CNTNAP2: variants seen among roughly 807,000 people sequenced by gnomAD.
CNTNAP2 encodes the protein contactin-associated protein-like 2.
In CNTNAP2, 98 loss-of-function variants were observed where a neutral mutation model predicts 155.2. The ratio of observed to expected loss-of-function variants is 0.63; its 90% CI spans 0.54 to 0.75. The LOEUF (loss-of-function observed/expected upper bound fraction) is 0.75, where lower values mean the gene tolerates loss of function less well. Ranked by LOEUF, CNTNAP2 falls within the 30% of genes least tolerant of loss-of-function variation. The pLI is 0.00. For synonymous variants in CNTNAP2, 651 were observed against 631.2 expected (o/e 1.03, Z -0.47); for missense variants, 1,727 against 1,688.1 (o/e 1.02, Z -0.40).
At chr7:146,768,214 T>C (rs1045574750) in intron 1 of CNTNAP2, among the ~76,000 whole-genome samples, 4 of 151,808 alleles carry the variant, frequency 2.6e-5, no homozygotes, top group African/African-American at 7.2e-5. Flanking sequence ...CTGCTTCCCA[T>C]CCTGCCTTGT....
chr7:147,375,822 A>G (rs2116922324), intron 9 of CNTNAP2, among the ~76,000 whole-genome samples: 1 of 152,180 alleles, frequency 6.6e-6, no homozygotes, highest in East Asian at 1.9e-4. Context: ...TACTTTTTAA[A>G]AATCAGTTCA....
intron 3 of CNTNAP2, among the ~76,000 whole-genome samples, chr7:146,993,527 G>A (rs570255443): frequency 6.9e-4 from 105 of 152,152 alleles, no homozygotes; most frequent in Non-Finnish European, 1.2e-3. Context: ...CCTGGCGCTG[G>A]CTGTGACCAG....
chr7:147,583,468 T>C (rs992123450), intron 12 of CNTNAP2, among the ~76,000 whole-genome samples: 1 of 145,308 alleles, frequency 6.9e-6, no homozygotes, highest in Non-Finnish European at 1.5e-5. Flanking sequence ...AATACCATTC[T>C]GCTCATTTCT....
At chr7:146,690,886 T>TA (rs1370689239) in intron 1 of CNTNAP2, among the ~76,000 whole-genome samples, 2 of 152,112 alleles carry the variant, frequency 1.3e-5, no homozygotes, top group Non-Finnish European at 2.9e-5. Context: ...TCCTCTGGGC[T>TA]AAAAATATAT....
At chr7:148,170,890 G>C (rs991517371) in intron 17 of CNTNAP2, among the ~76,000 whole-genome samples, 12 of 152,112 alleles carry the variant, frequency 7.9e-5, no homozygotes, top group Admixed American at 5.2e-4. Flanking sequence ...CTGAATTCCA[G>C]TAACCCTACT....
chr7:146,965,604 T>G (rs932199356), intron 3 of CNTNAP2, among the ~76,000 whole-genome samples: 2 of 151,976 alleles, frequency 1.3e-5, no homozygotes, highest in Non-Finnish European at 2.9e-5. Context: ...TGGTTTTGAA[T>G]GCAAAGATGT....
intron 19 of CNTNAP2, among the ~76,000 whole-genome samples, chr7:148,227,934 T>TGA (rs1554405400): frequency 2.9e-5 from 4 of 136,792 alleles, no homozygotes; most frequent in Non-Finnish European, 4.7e-5. Context: ...TGTGTGTGTG[T>TGA]GAAAGTCTGG....
At chr7:148,352,204 C>T (rs1798439936) in intron 21 of CNTNAP2, among the ~76,000 whole-genome samples, 1 of 152,094 alleles carries the variant, frequency 6.6e-6, no homozygotes, top group African/African-American at 2.4e-5. Flanking sequence ...TATGTTTTTA[C>T]AAGAACACTC....
intron 10 of CNTNAP2, among the ~76,000 whole-genome samples, chr7:147,439,756 G>T (rs1797607377): frequency 6.6e-6 from 1 of 151,880 alleles, no homozygotes; most frequent in Admixed American, 6.6e-5. Flanking sequence ...ATATATCTGG[G>T]TGCTCCAATG....
At position 147,652,548 on chromosome 7, in the gene CNTNAP2, G is replaced by T. The variant is rs1563039675; in HGVS notation, c.2098+13242G>T. On this transcript the variant is annotated intron_variant, in intron 13 of 23. Transcript: ENST00000361727. Reference sequence around the variant, plus strand: ...ATTCCGCCCCAAATCTCTGTGAGTTGTATATCGGAATTTCTATTTTATATC... The same window carrying T: ...ATTCCGCCCCAAATCTCTGTGAGTTTTATATCGGAATTTCTATTTTATATC... 3.3e-5 allele frequency among the ~76,000 whole-genome samples: 5 copies of T among 152,252 alleles called. No individual in the cohort carries two copies. The East Asian group carries it at 5.8e-4, about 18-fold the overall frequency.
At chr7:147,408,506 A>C (rs13247851) in intron 10 of CNTNAP2, among the ~76,000 whole-genome samples, 6,279 of 152,286 alleles carry the variant, frequency 0.041, 186 homozygotes, top group Non-Finnish European at 0.065. Context: ...CACGCCTCTA[A>C]TCCCGGCACT....
chr7:148,249,172 C>T (rs1796324708), intron 20 of CNTNAP2, among the ~76,000 whole-genome samples: 1 of 152,182 alleles, frequency 6.6e-6, no homozygotes, highest in African/African-American at 2.4e-5. Context: ...TATTCCCAAT[C>T]CCAGCTGGGC....
At chr7:147,863,874 G>C (rs1377481208) in intron 13 of CNTNAP2, among the ~76,000 whole-genome samples, 1 of 151,982 alleles carries the variant, frequency 6.6e-6, no homozygotes, top group Non-Finnish European at 1.5e-5. Context: ...CCATTCTGTA[G>C]GTTGCCTGTT....
intron 3 of CNTNAP2, among the ~76,000 whole-genome samples, chr7:147,033,416 A>C (rs1372162000): frequency 6.6e-6 from 1 of 151,666 alleles, no homozygotes; most frequent in Admixed American, 6.6e-5. Flanking sequence ...GCCACATTAC[A>C]TAATTATAAC....
intron 8 of CNTNAP2, among the ~76,000 whole-genome samples, chr7:147,247,808 T>C (rs570643101): frequency 8.5e-5 from 13 of 152,340 alleles, no homozygotes; most frequent in African/African-American, 2.9e-4. Context: ...CCATCTGGTC[T>C]GTTTCATTCT....
chr7:147,102,724 T>C (rs910964308), intron 4 of CNTNAP2, among the ~76,000 whole-genome samples: 1 of 152,224 alleles, frequency 6.6e-6, no homozygotes, highest in African/African-American at 2.4e-5. Flanking sequence ...CTAAATTAGC[T>C]ATAATGACAT....
chr7:146,306,211 A>T (rs61605902), intron 1 of CNTNAP2, among the ~76,000 whole-genome samples: 20 of 151,962 alleles, frequency 1.3e-4, no homozygotes, highest in African/African-American at 4.8e-4. Context: ...GAGTTGAATC[A>T]CTGAATAGAC....
chr7:148,218,259 T>C (rs1795681442), intron 19 of CNTNAP2, among the ~76,000 whole-genome samples: 1 of 152,266 alleles, frequency 6.6e-6, no homozygotes, highest in African/African-American at 2.4e-5. Context: ...TATGATAGTA[T>C]ACCAGTAGGT....
intron 1 of CNTNAP2, among the ~76,000 whole-genome samples, chr7:146,616,217 A>C (rs911532908): frequency 6.6e-6 from 1 of 152,182 alleles, no homozygotes; most frequent in African/African-American, 2.4e-5. Context: ...CGGGAGCAGA[A>C]ATGAGTAAAA....
Sources: allele counts gnomAD v4.1 joint callset (sites outside exome capture counted in the v4.1 genomes callset), GRCh38; gene constraint gnomAD v4.1.1; transcripts MANE v1.5; gene names NCBI Gene and HGNC (gene_info 2026-07-23, HGNC 2026-07-21).